CNEP1R1: variants seen among roughly 807,000 people sequenced by gnomAD.
CNEP1R1 encodes nuclear envelope phosphatase-regulatory subunit 1.
A neutral mutation model predicts 22.7 loss-of-function variants in CNEP1R1; 10 were observed. The observed-to-expected ratio is 0.44, with a 90% CI of 0.27 to 0.75. The LOEUF (loss-of-function observed/expected upper bound fraction) is 0.75, where lower values mean the gene tolerates loss of function less well. Ranked by LOEUF, CNEP1R1 falls within the 30% of genes least tolerant of loss-of-function variation. The pLI, the probability that CNEP1R1 is intolerant of heterozygous loss-of-function variation, is 0.17. For synonymous variants in CNEP1R1, 53 were observed against 50.1 expected, an observed-to-expected ratio of 1.06 and a Z score of -0.25; for missense variants, 73 against 151.5, an observed-to-expected ratio of 0.48 and a Z score of 2.72.
intron 3 of CNEP1R1, among the ~76,000 whole-genome samples, chr16:50,030,257 T>C (rs1252258699): frequency 6.6e-6 from 1 of 152,034 alleles, no homozygotes; most frequent in Admixed American, 6.6e-5. Flanking sequence ...GGCAATGTCA[T>C]ATAGCAAGAC....
At chr16:50,025,644 C>G in intron 1 of CNEP1R1, 1 of 1,613,240 alleles carries the variant, frequency 6.2e-7, no homozygotes, top group Non-Finnish European at 8.5e-7. Flanking sequence ...TCATTTCATT[C>G]TCACAGCCCC....
chr16:50,035,199 A>G (rs371166948), intron 5 of CNEP1R1, among the ~76,000 whole-genome samples: 5 of 152,328 alleles, frequency 3.3e-5, no homozygotes, highest in African/African-American at 9.6e-5. Flanking sequence ...AAAAAATGAA[A>G]AGAGGAGAAA....
rs890717719 is a variant in CNEP1R1, at chr16:50,030,980, C to G, written c.171+1182C>G. Reference sequence around the variant, plus strand: ...AGCTGATAGCATGTTTCTCAAATTTCCACCTCTTTCTACTAATTTGTGCTT... The same window carrying G: ...AGCTGATAGCATGTTTCTCAAATTTGCACCTCTTTCTACTAATTTGTGCTT... On this transcript the variant is annotated intron_variant, in intron 3 of 5. Transcript: ENST00000427478. Among the ~76,000 whole-genome samples, 3 of 152,198 alleles carry G rather than the reference C, an allele frequency of 2.0e-5. No individual in the cohort carries two copies. The East Asian group carries it at 5.8e-4, about 29-fold the overall frequency.
chr16:50,027,679 TAA>T (rs80075296), intron 2 of CNEP1R1, among the ~76,000 whole-genome samples: 20 of 142,274 alleles, frequency 1.4e-4, no homozygotes, highest in Non-Finnish European at 2.0e-4. Context: ...ACCCTGTGTT[TAA>T]AAAAAAAAAA....
At chr16:50,025,611 G>T in intron 1 of CNEP1R1, 1 of 1,569,546 alleles carries the variant, frequency 6.4e-7, no homozygotes. Flanking sequence ...TGCACTTCGT[G>T]CATTGCAGCC....
At chr16:50,029,585 TA>T in intron 2 of CNEP1R1, 139 bp from the exon 3 acceptor site, 1 of 492,792 alleles carries the variant, frequency 2.0e-6, no homozygotes, top group Non-Finnish European at 3.7e-6. Context: ...GCAAGCCTTC[TA>T]ATTCCTGAGT....
intron 3 of CNEP1R1, among the ~76,000 whole-genome samples, chr16:50,031,983 G>T (rs2036234897): frequency 6.6e-6 from 1 of 152,212 alleles, no homozygotes; most frequent in Non-Finnish European, 1.5e-5. Context: ...CTCCTCGGAG[G>T]TTTGAAGAAG....
In CNEP1R1 at chr16:50,037,040, G is replaced by T. The variant is rs1019772537; in HGVS notation, c.*1582G>T. On this transcript the variant is annotated 3_prime_UTR_variant, in exon 6 of 6. Coordinates refer to ENST00000427478, the MANE Select transcript of CNEP1R1 (RefSeq NM_001281789.2). ...CTTTGTTTTATTTTCTGTAAATTTTGTAGGTAAATATGTGCATTAAAAATA... is the reference window on the plus strand; with the variant it reads ...CTTTGTTTTATTTTCTGTAAATTTTTTAGGTAAATATGTGCATTAAAAATA... The T allele has an allele frequency of 6.6e-6, 1 of 152,516 alleles. No individual in the cohort carries two copies. Among genetic ancestry groups the T allele is most frequent in the Non-Finnish European group, 1.5e-5 (1 of 68,016 alleles). 9.4% of individuals were successfully genotyped at this position (152,516 alleles called of 1,614,324 possible).
intron 3 of CNEP1R1, among the ~76,000 whole-genome samples, chr16:50,031,211 A>C (rs2036228508): frequency 6.6e-6 from 1 of 152,210 alleles, no homozygotes; most frequent in Admixed American, 6.5e-5. Flanking sequence ...TACAGAAGAA[A>C]AGCCTAAGAG....
In CNEP1R1 at chr16:50,033,486, G is replaced by A. The variant is rs2036248870; in HGVS notation, c.261G>A (p.Lys87=). The A allele has an allele frequency of 2.6e-6, 4 of 1,564,366 alleles. No homozygotes were observed. The highest frequency in any genetic ancestry group is 3.5e-6 in the Non-Finnish European group (4 of 1,136,458). The change falls in exon 4 of 6, where the codon AAG becomes AAA. Residue 87 remains lysine (K), a synonymous_variant. Transcript: ENST00000427478. ...GCTTGTTCTTTGCTGGAATACACAA[G>A]AGAGTAGTTGCACCATCAATGTATC... The part of the protein sequence containing the change: ...LIGLFFAGIH[K]RVVAPSIIAA...
At chr16:50,027,140 A>G (rs1369337451) in intron 2 of CNEP1R1, among the ~76,000 whole-genome samples, 2 of 152,186 alleles carry the variant, frequency 1.3e-5, no homozygotes, top group Admixed American at 1.3e-4. Context: ...TCAGTGAGTC[A>G]CGCATATAAT....
In CNEP1R1 at chr16:50,031,455, G is replaced by A. The variant is rs1288873019; in HGVS notation, c.171+1657G>A. Among the ~76,000 whole-genome samples, 5 of 152,276 alleles carry A rather than the reference G, an allele frequency of 3.3e-5. No individual in the cohort carries two copies. In the East Asian group the frequency reaches 9.7e-4, roughly 29 times the overall value. On this transcript the variant is annotated intron_variant, in intron 3 of 5. Coordinates refer to ENST00000427478, the MANE Select transcript of CNEP1R1 (RefSeq NM_001281789.2). The stretch of plus-strand genomic sequence containing the variant: ...AGGCTGCACTTGGTAGTCATCTTTA[G>A]GGGAAGAGTGGAAAGAGGCTGGCAA...
rs1010412153 is a variant in CNEP1R1, at chr16:50,034,243, A to G, written c.336+87A>G. 3.8e-6 allele frequency: 3 copies of G among 795,442 alleles called. No individual in the cohort carries two copies. In the African/African-American group the frequency reaches 5.2e-5, roughly 14 times the overall value. The allele number at this position is 795,442 out of a possible 1,614,324, so 49.3% of individuals were successfully genotyped here. On this transcript the variant is annotated intron_variant, in intron 5 of 5. Transcript: ENST00000427478. ...TAGAAAGGTAGACATTTTATTAGCA[A>G]TAAATTTTCTCTGTGGAATGAATAG...
At chr16:50,027,560 C>T (rs2036196885) in intron 2 of CNEP1R1, among the ~76,000 whole-genome samples, 1 of 151,306 alleles carries the variant, frequency 6.6e-6, no homozygotes, top group African/African-American at 2.4e-5. Flanking sequence ...CCCGAGGTCC[C>T]AGCAACTTGG....
chr16:50,028,870 G>A (rs2036208700), intron 2 of CNEP1R1, among the ~76,000 whole-genome samples: 1 of 152,062 alleles, frequency 6.6e-6, no homozygotes, highest in African/African-American at 2.4e-5. Flanking sequence ...CCTAAAACAA[G>A]ATTTTTTTTC....
chr16:50,025,687 C>G (rs1433441053), intron 1 of CNEP1R1: 4 of 1,613,918 alleles, frequency 2.5e-6, no homozygotes, highest in Non-Finnish European at 3.4e-6. Flanking sequence ...GCGGTGGTTT[C>G]CGGTAACTGC....
chr16:50,033,514 T>C lies in CNEP1R1; in HGVS notation c.281+8T>C. 1 of 1,373,502 alleles carries C rather than the reference T, an allele frequency of 7.3e-7. No homozygotes were observed. Among genetic ancestry groups the C allele is most frequent in the South Asian group, 1.2e-5 (1 of 84,154 alleles). 85.1% of individuals were successfully genotyped at this position (1,373,502 alleles called of 1,614,324 possible). A position where few individuals can be genotyped will look rare whatever the true frequency, so the allele number is the denominator to read the frequency against. ...AGTAGTTGCACCATCAATGTATCCTTTACCAAGGATTAAATTCCATTCTCT... is the reference window on the plus strand; with the variant it reads ...AGTAGTTGCACCATCAATGTATCCTCTACCAAGGATTAAATTCCATTCTCT... On this transcript the variant is annotated splice_region_variant and intron_variant, in intron 4 of 5. Transcript: ENST00000427478.
At chr16:50,027,291 C>T (rs1473743724) in intron 2 of CNEP1R1, among the ~76,000 whole-genome samples, 2 of 151,954 alleles carry the variant, frequency 1.3e-5, no homozygotes, top group African/African-American at 4.8e-5. Context: ...GGACGGATCA[C>T]GAGGTCAGGA....
In CNEP1R1 at chr16:50,036,923, A is replaced by G. The variant is rs1037016738; in HGVS notation, c.*1465A>G. ...CATTTAACTTAAATGTGTTCATCTT[A>G]GCTTTCACTTGTATAAAATTTGATT... On this transcript the variant is annotated 3_prime_UTR_variant, in exon 6 of 6. Transcript: ENST00000427478. 3 of 152,666 alleles carry G rather than the reference A, an allele frequency of 2.0e-5. No individual in the cohort carries two copies. Among genetic ancestry groups the G allele is most frequent in the Non-Finnish European group, 2.9e-5 (2 of 68,038 alleles). 9.5% of individuals were successfully genotyped at this position (152,666 alleles called of 1,614,324 possible). A position where few individuals can be genotyped will look rare whatever the true frequency, so the allele number is the denominator to read the frequency against.
Sources: gnomAD v4.1 joint callset for allele counts (sites outside exome capture counted in the v4.1 genomes callset) on GRCh38, gnomAD v4.1.1 for gene constraint, MANE v1.5 for transcripts, NCBI Gene and HGNC (gene_info 2026-07-23, HGNC 2026-07-21) for gene names.